Variants in ASPRV1 observed in about 807,000 individuals in gnomAD.
ASPRV1 encodes the protein retroviral-like aspartic protease 1.
ASPRV1 carries 7 observed loss-of-function variants against 11.0 expected under a neutral mutation model. The observed-to-expected ratio is 0.64, with a 90% CI of 0.36 to 1.20. ASPRV1 has a LOEUF of 1.20. ASPRV1 is among the 50% of genes most tolerant of loss of function. ASPRV1 has a pLI of 0.02. For synonymous variants in ASPRV1, 136 were observed against 138.4 expected, an observed-to-expected ratio of 0.98 and a Z score of 0.12; for missense variants, 299 against 320.0, an observed-to-expected ratio of 0.93 and a Z score of 0.50.
chr2:69,990,427 T>A, the ASPRV1 span, among the ~76,000 whole-genome samples: 1 of 151,718 alleles, frequency 6.6e-6, no homozygotes, highest in African/African-American at 2.4e-5. Flanking sequence ...CAAATGATCC[T>A]CCCACCTCAG....
At chr2:70,074,750 T>C in the ASPRV1 span, among the ~76,000 whole-genome samples, 1 of 151,738 alleles carries the variant, frequency 6.6e-6, no homozygotes, top group African/African-American at 2.4e-5. Flanking sequence ...ACTACTCTTA[T>C]ACCACACAGT....
chr2:69,950,514 T>TATGTTGGA, the ASPRV1 span, among the ~76,000 whole-genome samples: 1,685 of 152,318 alleles, frequency 0.011, 30 homozygotes, highest in South Asian at 0.037. Flanking sequence ...GTGAGGTTTA[T>TATGTTGGA]AACAGCAAAA....
chr2:70,068,833 T>C, the ASPRV1 span, among the ~76,000 whole-genome samples: 1 of 149,258 alleles, frequency 6.7e-6, no homozygotes, highest in Non-Finnish European at 1.5e-5. Context: ...TAATCCCAGC[T>C]ACTCAGGAGG....
the ASPRV1 span, among the ~76,000 whole-genome samples, chr2:69,954,193 C>T: frequency 6.6e-6 from 1 of 152,188 alleles, no homozygotes; most frequent in East Asian, 1.9e-4. Context: ...TCATGGCCCA[C>T]CACAGAAGAA....
the ASPRV1 span, among the ~76,000 whole-genome samples, chr2:70,010,006 T>C: frequency 1.3e-5 from 2 of 152,062 alleles, no homozygotes; most frequent in Non-Finnish European, 2.9e-5. Flanking sequence ...GGTGTGGCCG[T>C]GTCCAGCAAA....
At chr2:70,051,572 C>G in the ASPRV1 span, among the ~76,000 whole-genome samples, 119 of 152,190 alleles carry the variant, frequency 7.8e-4, no homozygotes, top group African/African-American at 2.8e-3. Flanking sequence ...AAATAAAAAG[C>G]CCAATAAGTA....
At chr2:69,936,147 A>C in the ASPRV1 span, among the ~76,000 whole-genome samples, 1 of 151,916 alleles carries the variant, frequency 6.6e-6, no homozygotes, top group South Asian at 2.1e-4. Flanking sequence ...ACTTCTACTT[A>C]TTCTTCAGAT....
the ASPRV1 span, among the ~76,000 whole-genome samples, chr2:70,043,833 T>A: frequency 1.3e-5 from 2 of 152,178 alleles, no homozygotes; most frequent in African/African-American, 4.8e-5. Context: ...TCAGCTGCTC[T>A]CCAGACAACA....
chr2:70,074,294 C>CTT, the ASPRV1 span, among the ~76,000 whole-genome samples: 1 of 143,508 alleles, frequency 7.0e-6, no homozygotes, highest in Non-Finnish European at 1.5e-5. Context: ...AGAGCAACTG[C>CTT]TTTTTTTTTT....
At chr2:69,986,545 G>A in the ASPRV1 span, among the ~76,000 whole-genome samples, 7 of 152,332 alleles carry the variant, frequency 4.6e-5, no homozygotes, top group Admixed American at 2.6e-4. Context: ...GCAGGAGGGA[G>A]CCCACACTGG....
the ASPRV1 span, among the ~76,000 whole-genome samples, chr2:70,005,758 AC>A: frequency 6.6e-6 from 1 of 152,010 alleles, no homozygotes; most frequent in South Asian, 2.1e-4. Context: ...CCCACTACCC[AC>A]CCCCAAACTT....
chr2:70,063,140 T>C, the ASPRV1 span, among the ~76,000 whole-genome samples: 1 of 152,136 alleles, frequency 6.6e-6, no homozygotes, highest in South Asian at 2.1e-4. Flanking sequence ...CCCATCAGCC[T>C]GCAAAAGAGC....
chr2:70,044,260 C>A, the ASPRV1 span, among the ~76,000 whole-genome samples: 2 of 152,100 alleles, frequency 1.3e-5, no homozygotes, highest in African/African-American at 4.8e-5. Flanking sequence ...TAGCAAACAG[C>A]TAGGGCAAGT....
At chr2:70,045,392 T>C in the ASPRV1 span, 2 of 152,198 alleles carry the variant, frequency 1.3e-5, no homozygotes, top group Non-Finnish European at 2.9e-5. Context: ...TATGAAAGCA[T>C]CTAATACATG....
chr2:69,942,578 G>A, the ASPRV1 span: 1 of 152,186 alleles, frequency 6.6e-6, no homozygotes, highest in Non-Finnish European at 1.5e-5. Context: ...GTGGCAAGTT[G>A]AGGGAGCATT....
chr2:69,953,031 G>A, the ASPRV1 span, among the ~76,000 whole-genome samples: 7 of 152,354 alleles, frequency 4.6e-5, no homozygotes, highest in South Asian at 2.1e-4. Context: ...GCTGCACAGC[G>A]GGGTGAGACA....
chr2:69,987,436 A>T, the ASPRV1 span, among the ~76,000 whole-genome samples: 2 of 151,720 alleles, frequency 1.3e-5, no homozygotes, highest in African/African-American at 4.8e-5. Flanking sequence ...CCCTGGATGG[A>T]CTTTTACATT....
chr2:70,041,912 T>C, the ASPRV1 span, among the ~76,000 whole-genome samples: 1 of 152,168 alleles, frequency 6.6e-6, no homozygotes, highest in Non-Finnish European at 1.5e-5. Flanking sequence ...GCTATCCTTA[T>C]GCAGACACAC....
the ASPRV1 span, chr2:70,069,064 T>C: frequency 6.6e-6 from 1 of 150,974 alleles, no homozygotes; most frequent in Non-Finnish European, 1.5e-5. Flanking sequence ...TGAAAGACAA[T>C]GTATTTGGTC....
Sources: gnomAD v4.1 joint callset for allele counts (sites outside exome capture counted in the v4.1 genomes callset) on GRCh38, gnomAD v4.1.1 for gene constraint, MANE v1.5 for transcripts, NCBI Gene and HGNC (gene_info 2026-07-23, HGNC 2026-07-21) for gene names.